The following TEX36 variants were observed in gnomAD, a reference collection of about 807,000 sequenced individuals.
TEX36 encodes testis-expressed protein 36.
Under a neutral mutation model 13.6 loss-of-function variants are expected in TEX36, and 12 were observed. The observed-to-expected ratio is 0.88, with a 90% confidence interval of 0.56 to 1.43. The LOEUF is 1.43. TEX36 is among the 40% of genes most tolerant of loss of function. The pLI is 0.00. For missense variants in TEX36, 224 were observed against 228.3 expected, an observed-to-expected ratio of 0.98 and a Z score of 0.12; for synonymous variants, 93 against 83.0, an observed-to-expected ratio of 1.12 and a Z score of -0.65.
At chr10:125,676,660 T>G (rs1303786560) in intron 1 of TEX36, among the ~76,000 whole-genome samples, 3 of 152,226 alleles carry the variant, frequency 2.0e-5, no homozygotes, top group African/African-American at 7.2e-5. Flanking sequence ...ATCATGTTAT[T>G]AAATTGTTTT....
intron 3 of TEX36, among the ~76,000 whole-genome samples, chr10:125,582,807 C>A (rs1316510457): frequency 3.9e-5 from 6 of 151,970 alleles, no homozygotes; most frequent in African/African-American, 1.5e-4. Context: ...TGCATAAAGA[C>A]CAGGAAAGCA....
At chr10:125,608,656 G>A (rs892593759) in intron 3 of TEX36, among the ~76,000 whole-genome samples, 46 of 152,212 alleles carry the variant, frequency 3.0e-4, no homozygotes, top group Admixed American at 1.9e-3. Flanking sequence ...CAGCCTCCCC[G>A]CTCAGCACAT....
chr10:125,650,875 A>G (rs7914979), downstream of TEX36, among the ~76,000 whole-genome samples: 43,924 of 152,120 alleles, frequency 0.29, 10,144 homozygotes, highest in African/African-American at 0.61. Flanking sequence ...ACATATCTAC[A>G]CAAATAAACT....
intron 3 of TEX36, chr10:125,640,127 G>T: frequency 2.0e-6 from 2 of 984,422 alleles, no homozygotes; most frequent in African/African-American, 3.5e-5. Context: ...TCAGAACTGG[G>T]ATTGTCCCCT....
At position 125,658,993 on chromosome 10, in the gene TEX36, T is replaced by C. The variant is rs190538740; in HGVS notation, c.264+2028A>G. 1.8e-4 allele frequency among the ~76,000 whole-genome samples: 28 copies of C among 152,218 alleles called. 1 individual carries two copies. The East Asian group carries it at 4.4e-3, about 24-fold the overall frequency. ...AACAAAATAAGACTATTTTGAGAGATGTTATACCGTACATTTGAAATGAAT... is the reference window on the plus strand; with the variant it reads ...AACAAAATAAGACTATTTTGAGAGACGTTATACCGTACATTTGAAATGAAT... On this transcript the variant is annotated intron_variant, in intron 3 of 3. Transcript: ENST00000368821.
At chr10:125,623,975 G>A (rs776096795) in intron 3 of TEX36, among the ~76,000 whole-genome samples, 14 of 152,176 alleles carry the variant, frequency 9.2e-5, no homozygotes, top group African/African-American at 1.4e-4. Context: ...GGATTAACCC[G>A]TGTGGACAGG....
At chr10:125,594,222 C>T (rs775423908) in intron 3 of TEX36, among the ~76,000 whole-genome samples, 2 of 151,998 alleles carry the variant, frequency 1.3e-5, no homozygotes, top group African/African-American at 4.8e-5. Flanking sequence ...ACTGTCTTCT[C>T]GAATAAGTAG....
Position 125,656,000 on chromosome 10 carries a change from A to G in TEX36, c.461T>C (p.Phe154Ser). The stretch of plus-strand genomic sequence containing the variant: ...ATAGCTTCTCTCAGGAAGAAATGTA[A>G]AAGCGTTCCATATCTCTTTATAGCA... ...PRCYKEIWNA[F>S]TFLPERSYTE... The change falls in exon 4 of 4, where the codon TTT becomes TCT. Residue 154 changes from phenylalanine to serine, a missense_variant. By Grantham distance (155) the Phe-to-Ser change is radical. Transcript: ENST00000368821. 6.4e-7 allele frequency: 1 copy of G among 1,551,888 alleles called. No homozygotes were observed. Among genetic ancestry groups the G allele is most frequent in the Middle Eastern group, 1.7e-4 (1 of 5,996 alleles).
At chr10:125,667,057 G>T in intron 1 of TEX36, 1 of 1,443,698 alleles carries the variant, frequency 6.9e-7, no homozygotes. Context: ...GCAGGGCTCG[G>T]CCATAGGAGA....
intron 3 of TEX36, among the ~76,000 whole-genome samples, chr10:125,638,919 A>T (rs1247260470): frequency 6.6e-6 from 1 of 152,220 alleles, no homozygotes; most frequent in Non-Finnish European, 1.5e-5. Context: ...TAAACCCATC[A>T]TCCCTTTCTA....
intron 3 of TEX36, among the ~76,000 whole-genome samples, chr10:125,646,715 A>G (rs931584988): frequency 2.6e-5 from 4 of 152,326 alleles, no homozygotes; most frequent in African/African-American, 7.2e-5. Flanking sequence ...TAAAACACCA[A>G]CATTTTACAA....
intron 3 of TEX36, among the ~76,000 whole-genome samples, chr10:125,644,251 C>T (rs1846733788): frequency 6.6e-6 from 1 of 152,066 alleles, no homozygotes; most frequent in African/African-American, 2.4e-5. Flanking sequence ...GGAATTCTCC[C>T]AGAAACCAGT....
At chr10:125,614,318 G>A (rs1846328681) in intron 3 of TEX36, among the ~76,000 whole-genome samples, 1 of 152,114 alleles carries the variant, frequency 6.6e-6, no homozygotes, top group African/African-American at 2.4e-5. Context: ...GGCTTTTGTT[G>A]CCATTGCTTT....
At chr10:125,595,792 C>T (rs1846075542) in intron 3 of TEX36, among the ~76,000 whole-genome samples, 1 of 152,192 alleles carries the variant, frequency 6.6e-6, no homozygotes, top group Admixed American at 6.5e-5. Flanking sequence ...CACTCTCCAC[C>T]TCCTTCCCCT....
intron 3 of TEX36, among the ~76,000 whole-genome samples, chr10:125,613,599 AG>A: frequency 6.6e-6 from 1 of 151,868 alleles, no homozygotes; most frequent in Non-Finnish European, 1.5e-5. Flanking sequence ...GTCCCTACAA[AG>A]GACATGAACT....
chr10:125,673,142 A>G (rs1189113473), intron 1 of TEX36, among the ~76,000 whole-genome samples: 1 of 152,158 alleles, frequency 6.6e-6, no homozygotes, highest in Non-Finnish European at 1.5e-5. Flanking sequence ...GGTTAATGTT[A>G]TCTATGAATA....
intron 1 of TEX36, among the ~76,000 whole-genome samples, chr10:125,666,666 C>G (rs552299478): frequency 3.9e-5 from 6 of 152,188 alleles, no homozygotes; most frequent in South Asian, 4.2e-4. Flanking sequence ...CTCTCCCCGC[C>G]CCCCCTCCTC....
chr10:125,638,268 C>T (rs1432648124), intron 3 of TEX36, among the ~76,000 whole-genome samples: 1 of 151,800 alleles, frequency 6.6e-6, no homozygotes, highest in Non-Finnish European at 1.5e-5. Flanking sequence ...CCTCAGGCAG[C>T]CTCAGCCTGG....
At chr10:125,679,491 G>A (rs766593111) in intron 1 of TEX36, among the ~76,000 whole-genome samples, 1 of 152,014 alleles carries the variant, frequency 6.6e-6, no homozygotes, top group Non-Finnish European at 1.5e-5. Context: ...CACAGTTTCC[G>A]GGAGACTCTC....
Sources: gnomAD v4.1 joint callset for allele counts (sites outside exome capture counted in the v4.1 genomes callset) on GRCh38, gnomAD v4.1.1 for gene constraint, MANE v1.5 for transcripts, NCBI Gene and HGNC (gene_info 2026-07-23, HGNC 2026-07-21) for gene names.